SGCZ: variants seen among roughly 807,000 people sequenced by gnomAD.
SGCZ encodes sarcoglycan zeta.
SGCZ carries 40 observed loss-of-function variants against 41.3 expected under a neutral mutation model. The ratio of observed to expected loss-of-function variants is 0.97; its 90% confidence interval spans 0.75 to 1.26. The LOEUF is 1.26. Among genes scored for constraint, SGCZ ranks in the 50% most tolerant of loss-of-function variants. The pLI, the probability that SGCZ is intolerant of heterozygous loss-of-function variation, is 0.00. For missense variants in SGCZ, 552 were observed against 369.8 expected, an observed-to-expected ratio of 1.49 and a Z score of -4.04; for synonymous variants, 206 against 137.5, an observed-to-expected ratio of 1.50 and a Z score of -3.49.
In SGCZ at chr8:15,145,864, T is replaced by A. The variant is rs1399690159; in HGVS notation, c.39+91721A>T. 9.2e-5 allele frequency among the ~76,000 whole-genome samples: 14 copies of A among 152,120 alleles called. No individual in the cohort carries two copies. The East Asian group carries it at 2.7e-3, about 29-fold the overall frequency. ...CAGAAATTTATGATTATCAAGGAGG[T>A]TAAACACATATATTTATCTCCTCTG... is the stretch of plus-strand genomic sequence containing the variant. On this transcript the variant is annotated intron_variant, in intron 1 of 7. Coordinates refer to ENST00000382080, the MANE Select transcript of SGCZ (RefSeq NM_139167.4).
intron 1 of SGCZ, among the ~76,000 whole-genome samples, chr8:15,216,664 G>C (rs139428028): frequency 2.1e-4 from 32 of 152,224 alleles, no homozygotes; most frequent in African/African-American, 7.2e-4. Flanking sequence ...AATATGGAAA[G>C]CATCTTGTTA....
chr8:14,573,007 T>A (rs1322975953), intron 1 of SGCZ, among the ~76,000 whole-genome samples: 2 of 152,178 alleles, frequency 1.3e-5, no homozygotes, highest in Non-Finnish European at 2.9e-5. Flanking sequence ...GTTACAGATT[T>A]AGTATCTATA....
chr8:14,748,647 G>C (rs1041764373), intron 1 of SGCZ, among the ~76,000 whole-genome samples: 1 of 152,158 alleles, frequency 6.6e-6, no homozygotes, highest in Non-Finnish European at 1.5e-5. Context: ...AAGGGAGCAA[G>C]AGAGATCTGA....
intron 2 of SGCZ, among the ~76,000 whole-genome samples, chr8:14,510,923 C>T (rs1199802327): frequency 6.6e-6 from 1 of 152,044 alleles, no homozygotes; most frequent in Non-Finnish European, 1.5e-5. Flanking sequence ...GTGGCCTTCT[C>T]CCAGTTTCTG....
chr8:15,075,521 A>G (rs1460138918), intron 1 of SGCZ, among the ~76,000 whole-genome samples: 4 of 152,082 alleles, frequency 2.6e-5, no homozygotes, highest in Non-Finnish European at 5.9e-5. Context: ...AACACCCTCA[A>G]TTTTTAGCAA....
At chr8:14,111,928 A>G (rs1802382621) in intron 5 of SGCZ, among the ~76,000 whole-genome samples, 1 of 152,228 alleles carries the variant, frequency 6.6e-6, no homozygotes, top group Admixed American at 6.5e-5. Context: ...AATTATTAAA[A>G]TTAAATGTAA....
chr8:15,091,976 A>T (rs1336920356), intron 1 of SGCZ, among the ~76,000 whole-genome samples: 3 of 152,088 alleles, frequency 2.0e-5, no homozygotes. Flanking sequence ...CTGGCCTCGA[A>T]ATCCTGGGCT....
intron 1 of SGCZ, among the ~76,000 whole-genome samples, chr8:14,909,283 C>T (rs957237435): frequency 1.3e-5 from 2 of 152,128 alleles, no homozygotes; most frequent in African/African-American, 4.8e-5. Context: ...GAAAAATCCT[C>T]TAAATCCAGT....
chr8:15,059,265 ACTGT>A (rs1804828880), intron 1 of SGCZ, among the ~76,000 whole-genome samples: 1 of 152,196 alleles, frequency 6.6e-6, no homozygotes, highest in African/African-American at 2.4e-5. Flanking sequence ...AAAAATATTA[ACTGT>A]CTGTTTCTTA....
chr8:14,432,944 C>T (rs933381002), intron 2 of SGCZ, among the ~76,000 whole-genome samples: 1 of 116,272 alleles, frequency 8.6e-6, no homozygotes, highest in African/African-American at 3.8e-5. Flanking sequence ...AAAAAAAAAG[C>T]TTACTCATGT....
At chr8:14,712,350 G>C (rs2246384) in intron 1 of SGCZ, among the ~76,000 whole-genome samples, 124,211 of 152,160 alleles carry the variant, frequency 0.82, 51,112 homozygotes, top group African/African-American at 0.94. Flanking sequence ...TACTTTTAAA[G>C]ACTGTATTCT....
At chr8:14,372,914 A>G (rs952958102) in intron 2 of SGCZ, among the ~76,000 whole-genome samples, 2 of 152,154 alleles carry the variant, frequency 1.3e-5, no homozygotes, top group African/African-American at 4.8e-5. Flanking sequence ...TTTTATGCTA[A>G]TGAAATAAAA....
At chr8:14,418,901 T>A (rs1395680701) in intron 2 of SGCZ, among the ~76,000 whole-genome samples, 1 of 151,922 alleles carries the variant, frequency 6.6e-6, no homozygotes, top group Non-Finnish European at 1.5e-5. Flanking sequence ...CAGAAAAACA[T>A]AATTGGATGT....
chr8:15,107,964 C>A (rs528255847), intron 1 of SGCZ, among the ~76,000 whole-genome samples: 1 of 152,232 alleles, frequency 6.6e-6, no homozygotes, highest in African/African-American at 2.4e-5. Context: ...TTAATTCACC[C>A]TACAGTTGTA....
intron 3 of SGCZ, among the ~76,000 whole-genome samples, chr8:14,312,997 G>C (rs1291325271): frequency 6.6e-6 from 1 of 152,154 alleles, no homozygotes; most frequent in African/African-American, 2.4e-5. Flanking sequence ...GAATTTCCCA[G>C]TGGTTAAGGA....
rs552814272 is a variant in SGCZ at position 14,177,032 on chromosome 8, C to T, written c.425-12330G>A. Among the ~76,000 whole-genome samples the T allele has an allele frequency of 5.9e-5, 9 of 152,166 alleles. No homozygotes were observed. The South Asian group carries it at 1.9e-3, about 32-fold the overall frequency. ...GTTACATCACCAAGGTTTTGTGTAA[C>T]GGTTGGTATACAGACAAGGATCGTA... is the stretch of plus-strand genomic sequence containing the variant. On this transcript the variant is annotated intron_variant, in intron 4 of 7. Transcript: ENST00000382080.
intron 2 of SGCZ, among the ~76,000 whole-genome samples, chr8:14,422,706 G>A (rs10095778): frequency 0.012 from 1,863 of 152,256 alleles, 32 homozygotes; most frequent in African/African-American, 0.042. Context: ...TAGTTTTTAG[G>A]ACAAGTCTAG....
At chr8:14,892,595 T>C (rs1205375549) in intron 1 of SGCZ, among the ~76,000 whole-genome samples, 1 of 152,192 alleles carries the variant, frequency 6.6e-6, no homozygotes, top group Non-Finnish European at 1.5e-5. Flanking sequence ...GATATATTAA[T>C]ACATCATTAA....
intron 2 of SGCZ, among the ~76,000 whole-genome samples, chr8:14,440,466 T>G (rs1357558372): frequency 6.6e-6 from 1 of 152,136 alleles, no homozygotes; most frequent in East Asian, 1.9e-4. Flanking sequence ...CAATGAAGTT[T>G]CCATCGTTTC....
Sources: gnomAD v4.1 joint callset for allele counts (sites outside exome capture counted in the v4.1 genomes callset) on GRCh38, gnomAD v4.1.1 for gene constraint, MANE v1.5 for transcripts, NCBI Gene and HGNC (gene_info 2026-07-23, HGNC 2026-07-21) for gene names.